CHSY1: variants seen among roughly 807,000 people sequenced by gnomAD.
The protein encoded by CHSY1 is chondroitin sulfate synthase 1, also known as N-acetylgalactosaminyl-proteoglycan 3-beta-glucuronosyltransferase 1.
Under a neutral mutation model 59.8 loss-of-function variants are expected in CHSY1, and 13 were observed. The ratio of observed to expected loss-of-function variants is 0.22; its 90% confidence interval spans 0.14 to 0.35. CHSY1 has a LOEUF of 0.35. Among genes scored for constraint, CHSY1 ranks in the 10% least tolerant of loss-of-function variants. The pLI is 1.00. For missense variants in CHSY1, 947 were observed against 1,030.6 expected (o/e 0.92, Z 1.11); for synonymous variants, 459 against 401.2 (o/e 1.14, Z -1.72).
intron 2 of CHSY1, among the ~76,000 whole-genome samples, chr15:101,199,627 A>G (rs926686376): frequency 1.4e-4 from 22 of 152,274 alleles, no homozygotes; most frequent in African/African-American, 5.1e-4. Context: ...GTATTTTACC[A>G]GTTAAAAACA....
At chr15:101,186,270 A>C (rs867603476) in intron 2 of CHSY1, among the ~76,000 whole-genome samples, 1 of 151,692 alleles carries the variant, frequency 6.6e-6, no homozygotes, top group African/African-American at 2.4e-5. Context: ...CAGTGAGCCG[A>C]GATCGTGCCA....
At chr15:101,204,969 T>C (rs895525904) in intron 2 of CHSY1, among the ~76,000 whole-genome samples, 8 of 152,034 alleles carry the variant, frequency 5.3e-5, no homozygotes, top group Admixed American at 2.0e-4. Context: ...GCGAAGATCA[T>C]AGTAACTAAT....
rs1014051946 is a variant in CHSY1, at chr15:101,251,996, C to G, written c.-540G>C. On this transcript the variant is annotated 5_prime_UTR_variant, in exon 1 of 3. Coordinates refer to ENST00000254190, the MANE Select transcript of CHSY1 (RefSeq NM_014918.5). ...ATGAAGTGGCCCCGCCGGCGGCGAG[C>G]CGTGGCCCCTCTCGGGATCCGTCCG... 6.6e-6 allele frequency: 1 copy of G among 151,048 alleles called. No individual in the cohort carries two copies. The highest frequency in any genetic ancestry group is 1.5e-5 in the Non-Finnish European group (1 of 67,760). The allele number at this position is 151,048 out of a possible 1,614,324, so 9.4% of individuals were successfully genotyped here. A position where few individuals can be genotyped will look rare whatever the true frequency, so the allele number is the denominator to read the frequency against.
intron 2 of CHSY1, among the ~76,000 whole-genome samples, chr15:101,223,186 G>A (rs551226689): frequency 8.5e-5 from 13 of 152,238 alleles, no homozygotes; most frequent in African/African-American, 2.9e-4. Context: ...GTAGAGACAG[G>A]GTTTTGCCAT....
intron 1 of CHSY1, among the ~76,000 whole-genome samples, chr15:101,242,047 T>A (rs2039008365): frequency 6.6e-6 from 1 of 152,240 alleles, no homozygotes; most frequent in Non-Finnish European, 1.5e-5. Context: ...GTTTTTATTA[T>A]TGTTATTTTC....
chr15:101,236,773 C>T (rs1298095714), intron 1 of CHSY1, among the ~76,000 whole-genome samples: 2 of 151,976 alleles, frequency 1.3e-5, no homozygotes, highest in African/African-American at 2.4e-5. Context: ...TGCAGCGAGC[C>T]GAGATCGTGC....
chr15:101,237,290 G>A (rs2038954970), intron 1 of CHSY1, among the ~76,000 whole-genome samples: 1 of 150,210 alleles, frequency 6.7e-6, no homozygotes, highest in South Asian at 2.1e-4. Context: ...CACTAGAGAT[G>A]CAGGCCTCTA....
intron 1 of CHSY1, among the ~76,000 whole-genome samples, chr15:101,236,865 T>A (rs1004098849): frequency 2.0e-5 from 3 of 151,440 alleles, no homozygotes; most frequent in African/African-American, 7.3e-5. Context: ...AACCCCTCTG[T>A]TTCTTTATAA....
intron 2 of CHSY1, among the ~76,000 whole-genome samples, chr15:101,204,460 A>AATC (rs1156861097): frequency 6.7e-6 from 1 of 150,084 alleles, no homozygotes; most frequent in Non-Finnish European, 1.5e-5. Flanking sequence ...TAATAATAAT[A>AATC]ATAATAATAA....
intron 2 of CHSY1, among the ~76,000 whole-genome samples, chr15:101,229,873 C>T (rs1160851850): frequency 6.6e-6 from 1 of 151,912 alleles, no homozygotes; most frequent in East Asian, 1.9e-4. Context: ...TGCCACTGCA[C>T]TCCAGCCTGG....
chr15:101,249,308 G>A (rs1003109796), intron 1 of CHSY1, among the ~76,000 whole-genome samples: 7 of 151,066 alleles, frequency 4.6e-5, no homozygotes, highest in Non-Finnish European at 7.4e-5. Flanking sequence ...GAGTCATGCG[G>A]ATTTACTTTC....
intron 1 of CHSY1, among the ~76,000 whole-genome samples, chr15:101,250,014 A>T (rs28495776): frequency 0.24 from 36,840 of 152,156 alleles, 6,016 homozygotes; most frequent in African/African-American, 0.46. Context: ...CTTAAAGGCA[A>T]GGGAGACCAT....
chr15:101,196,155 T>G (rs2038504599), intron 2 of CHSY1, among the ~76,000 whole-genome samples: 2 of 150,460 alleles, frequency 1.3e-5, no homozygotes, highest in Non-Finnish European at 1.5e-5. Context: ...AAGAATGACT[T>G]GAACCTGGGA....
chr15:101,241,216 G>A (rs1031548680), intron 1 of CHSY1, among the ~76,000 whole-genome samples: 4 of 152,110 alleles, frequency 2.6e-5, no homozygotes, highest in Non-Finnish European at 4.4e-5. Flanking sequence ...TCAGCCTCCC[G>A]AGTAGCTGGG....
chr15:101,180,926 A>G (rs1194929778), intron 2 of CHSY1, among the ~76,000 whole-genome samples: 1 of 152,222 alleles, frequency 6.6e-6, no homozygotes, highest in Non-Finnish European at 1.5e-5. Context: ...CGGCAGGGCT[A>G]CAAGGTGGCA....
chr15:101,237,188 C>T (rs1484405556), intron 1 of CHSY1, among the ~76,000 whole-genome samples: 7 of 140,422 alleles, frequency 5.0e-5, no homozygotes, highest in African/African-American at 1.9e-4. Flanking sequence ...CGCACCACTG[C>T]ACTCCAGCCT....
chr15:101,240,860 G>A (rs1163864999), intron 1 of CHSY1, among the ~76,000 whole-genome samples: 1 of 152,158 alleles, frequency 6.6e-6, no homozygotes, highest in African/African-American at 2.4e-5. Flanking sequence ...GTTGTTTTAA[G>A]AAAAACTACA....
chr15:101,220,006 G>A (rs1036046793), intron 2 of CHSY1, among the ~76,000 whole-genome samples: 9 of 152,086 alleles, frequency 5.9e-5, no homozygotes, highest in African/African-American at 1.2e-4. Flanking sequence ...CGCCTGCCTC[G>A]GCCTCCCAAA....
intron 1 of CHSY1, among the ~76,000 whole-genome samples, chr15:101,249,455 G>A (rs566397573): frequency 2.0e-4 from 29 of 148,390 alleles, no homozygotes; most frequent in African/African-American, 7.2e-4. Context: ...TGATAGGCTG[G>A]TTCCCAAATC....
Sources: gnomAD v4.1 joint callset for allele counts (sites outside exome capture counted in the v4.1 genomes callset) on GRCh38, gnomAD v4.1.1 for gene constraint, MANE v1.5 for transcripts, NCBI Gene and HGNC (gene_info 2026-07-23, HGNC 2026-07-21) for gene names.